The following PDGFC variants were observed in gnomAD, a reference collection of about 807,000 sequenced individuals.
The protein encoded by PDGFC is platelet-derived growth factor C.
PDGFC carries 12 observed loss-of-function variants against 35.5 expected under a neutral mutation model. That is an observed-to-expected ratio of 0.34 (90% CI 0.22 to 0.55). The LOEUF is 0.55. PDGFC is among the 20% of genes least tolerant of loss of function. The pLI is 0.91. For synonymous variants in PDGFC, 159 were observed against 148.8 expected, an observed-to-expected ratio of 1.07 and a Z score of -0.50; for missense variants, 322 against 412.4, an observed-to-expected ratio of 0.78 and a Z score of 1.90.
intron 3 of PDGFC, among the ~76,000 whole-genome samples, chr4:156,792,255 T>TA (rs1170904159): frequency 5.3e-5 from 8 of 152,074 alleles, no homozygotes; most frequent in Non-Finnish European, 1.2e-4. Flanking sequence ...GATAAAAGTG[T>TA]AAAAAATACA....
At chr4:156,841,217 T>C (rs1317831467) in intron 2 of PDGFC, 1 of 152,136 alleles carries the variant, frequency 6.6e-6, no homozygotes, top group Non-Finnish European at 1.5e-5. Context: ...GTAGTTCCCA[T>C]AATCCCCACA....
chr4:156,829,627 CTT>C (rs1281106069), intron 2 of PDGFC, among the ~76,000 whole-genome samples: 2 of 152,140 alleles, frequency 1.3e-5, no homozygotes, highest in Non-Finnish European at 2.9e-5. Flanking sequence ...TTGATAGTCT[CTT>C]GTGTCACCAG....
At chr4:156,847,934 G>A (rs1729365091) in intron 2 of PDGFC, among the ~76,000 whole-genome samples, 1 of 151,686 alleles carries the variant, frequency 6.6e-6, no homozygotes, top group South Asian at 2.1e-4. Flanking sequence ...CGATCTGCAA[G>A]TCAGCTGACT....
chr4:156,839,370 G>A (rs1193803051), intron 2 of PDGFC, among the ~76,000 whole-genome samples: 1 of 152,072 alleles, frequency 6.6e-6, no homozygotes, highest in Non-Finnish European at 1.5e-5. Context: ...TTCCCCTTTT[G>A]CTAGGCACTT....
chr4:156,849,049 A>G (rs1729391721), intron 2 of PDGFC, among the ~76,000 whole-genome samples: 1 of 152,040 alleles, frequency 6.6e-6, no homozygotes, highest in South Asian at 2.1e-4. Flanking sequence ...AATTTTTGAC[A>G]AGATTATGTT....
At chr4:156,833,114 T>G (rs952812807) in intron 2 of PDGFC, among the ~76,000 whole-genome samples, 1 of 152,246 alleles carries the variant, frequency 6.6e-6, no homozygotes, top group Non-Finnish European at 1.5e-5. Flanking sequence ...GTGGGCCTGC[T>G]GATGGCCTCC....
intron 3 of PDGFC, among the ~76,000 whole-genome samples, chr4:156,801,351 T>C (rs1321073432): frequency 1.3e-5 from 2 of 152,168 alleles, no homozygotes; most frequent in Non-Finnish European, 2.9e-5. Flanking sequence ...TTTAGCTGGC[T>C]CTATGTGCAT....
At chr4:156,867,100 G>A (rs1013984096) in intron 1 of PDGFC, among the ~76,000 whole-genome samples, 3 of 152,126 alleles carry the variant, frequency 2.0e-5, no homozygotes, top group Admixed American at 2.0e-4. Context: ...TTATAAAGGG[G>A]TTATACTATA....
intron 1 of PDGFC, among the ~76,000 whole-genome samples, chr4:156,915,282 A>G (rs1731131937): frequency 6.6e-6 from 1 of 152,242 alleles, no homozygotes; most frequent in South Asian, 2.1e-4. Flanking sequence ...ACAGTTTACA[A>G]TCTCTCCTCA....
chr4:156,827,754 C>T (rs1158945695), intron 2 of PDGFC, among the ~76,000 whole-genome samples: 1 of 152,180 alleles, frequency 6.6e-6, no homozygotes, highest in African/African-American at 2.4e-5. Context: ...CCCATTACTA[C>T]ATTTGCCAGA....
At chr4:156,786,614 G>C (rs560301332) in intron 3 of PDGFC, among the ~76,000 whole-genome samples, 1 of 152,264 alleles carries the variant, frequency 6.6e-6, no homozygotes, top group African/African-American at 2.4e-5. Context: ...TGTAGGTCAC[G>C]GTGAGGATTA....
chr4:156,964,919 G>T (rs528780702), intron 1 of PDGFC, among the ~76,000 whole-genome samples: 38 of 152,210 alleles, frequency 2.5e-4, no homozygotes, highest in African/African-American at 9.2e-4. Flanking sequence ...ACAGATTTTG[G>T]AGGCTTGTCA....
chr4:156,766,773 G>A (rs1047029486), intron 5 of PDGFC, among the ~76,000 whole-genome samples: 3 of 152,016 alleles, frequency 2.0e-5, no homozygotes, highest in African/African-American at 7.2e-5. Context: ...TGATTTTCCT[G>A]CCCTTCACCA....
intron 2 of PDGFC, 29 bp downstream of exon 2, chr4:156,850,192 T>C (rs762205992): frequency 5.9e-6 from 7 of 1,180,510 alleles, no homozygotes; most frequent in East Asian, 2.5e-5. Flanking sequence ...AGTTGTTACA[T>C]TGTTGGGATT....
At chr4:156,944,620 C>T (rs1731892381) in intron 1 of PDGFC, among the ~76,000 whole-genome samples, 1 of 152,114 alleles carries the variant, frequency 6.6e-6, no homozygotes, top group African/African-American at 2.4e-5. Context: ...GACAAAAATG[C>T]CTGCCAAGTC....
chr4:156,846,028 A>C, intron 2 of PDGFC, among the ~76,000 whole-genome samples: 1 of 151,814 alleles, frequency 6.6e-6, no homozygotes, highest in African/African-American at 2.4e-5. Flanking sequence ...AAATCTAATA[A>C]GGACACATTG....
chr4:156,895,223 T>G (rs570991506), intron 1 of PDGFC, among the ~76,000 whole-genome samples: 2 of 152,340 alleles, frequency 1.3e-5, no homozygotes, highest in East Asian at 3.9e-4. Flanking sequence ...ACTGTTCACT[T>G]AGTTCTCAAG....
Position 156,932,438 on chromosome 4 carries a change from C to T in PDGFC, c.118+38348G>A, listed in dbSNP as rs141105158. 2.7e-3 allele frequency among the ~76,000 whole-genome samples: 404 copies of T among 152,212 alleles called. 3 individuals are homozygous for T. The highest frequency in any genetic ancestry group is 9.4e-3 in the African/African-American group (391 of 41,538). On this transcript the variant is annotated intron_variant, in intron 1 of 5. Coordinates refer to ENST00000502773, the MANE Select transcript of PDGFC (RefSeq NM_016205.3). Reference sequence around the variant, plus strand: ...TATAAATCATGCTGCTATAAAGACACATGCACACATGTGTTTATTGTGGCA... The same window carrying T: ...TATAAATCATGCTGCTATAAAGACATATGCACACATGTGTTTATTGTGGCA...
intron 1 of PDGFC, among the ~76,000 whole-genome samples, chr4:156,953,335 G>T (rs919271284): frequency 3.3e-5 from 5 of 151,888 alleles, no homozygotes; most frequent in Non-Finnish European, 7.4e-5. Context: ...TAGCAATCTG[G>T]TTACTGTCCA....
Sources: allele counts gnomAD v4.1 joint callset (sites outside exome capture counted in the v4.1 genomes callset), GRCh38; gene constraint gnomAD v4.1.1; transcripts MANE v1.5; gene names NCBI Gene and HGNC (gene_info 2026-07-23, HGNC 2026-07-21).